GPR22: variants seen among roughly 807,000 people sequenced by gnomAD.
GPR22 encodes the protein G-protein coupled receptor 22.
GPR22 carries 13 observed loss-of-function variants against 31.0 expected under a neutral mutation model. The observed-to-expected ratio is 0.42, with a 90% CI of 0.27 to 0.67. GPR22 has a LOEUF of 0.67. GPR22 is among the 30% of genes least tolerant of loss of function. The probability of loss-of-function intolerance (pLI) is 0.25; values close to 1 mark genes in which losing one functional copy is unlikely to be tolerated. For missense variants in GPR22, 368 were observed against 509.6 expected, an observed-to-expected ratio of 0.72 and a Z score of 2.67; for synonymous variants, 191 against 173.4, an observed-to-expected ratio of 1.10 and a Z score of -0.80.
chr7:107,470,111 C>T lies in GPR22; in HGVS notation c.-1292C>T, dbSNP rs1796546091. On this transcript the variant is annotated 5_prime_UTR_variant, in exon 1 of 3. Transcript: ENST00000304402. ...TTTCCTCTGAAAAGCAGTGCCGTTC[C>T]TTTTTAGAAAGACTGAATCTAAATG... The T allele has an allele frequency of 6.6e-6, 1 of 152,116 alleles. No homozygotes were observed. The highest frequency in any genetic ancestry group is 2.4e-5 in the African/African-American group (1 of 41,434). The allele number at this position is 152,116 out of a possible 1,614,324, so 9.4% of individuals were successfully genotyped here. A position where few individuals can be genotyped will look rare whatever the true frequency, so the allele number is the denominator to read the frequency against.
In GPR22 at chr7:107,470,154, A is replaced by G. The variant is rs1040833804; in HGVS notation, c.-1249A>G. The G allele has an allele frequency of 6.6e-6, 1 of 152,234 alleles. No homozygotes were observed. The highest frequency in any genetic ancestry group is 6.6e-5 in the Admixed American group (1 of 15,266). The allele number at this position is 152,234 out of a possible 1,614,324, so 9.4% of individuals were successfully genotyped here. On this transcript the variant is annotated 5_prime_UTR_variant, in exon 1 of 3. Transcript: ENST00000304402. ...TCTAAATGTTGTCTCTGGAGACAAG[A>G]AGCCTTCAGTATGTTAAATTACTTT...
At chr7:107,472,466 T>C (rs1454514342) in intron 2 of GPR22, 164 bp downstream of exon 2, 3 of 152,002 alleles carry the variant, frequency 2.0e-5, no homozygotes, top group African/African-American at 4.8e-5. Context: ...AATCTTGCTC[T>C]AGAGAAAATG....
chr7:107,474,792 A>G lies in GPR22; in HGVS notation c.732A>G (p.Thr244=), dbSNP rs767037320. ...AGGCTCTTAATATTCGAATAGGCAC[A>G]AGATTTTCAACAGGGCAGAAGAAGA... The part of the protein sequence containing the change: ...ILQALNIRIG[T]RFSTGQKKKA... Residue 244 remains threonine, a synonymous_variant, in exon 3 of 3, where the codon ACA becomes ACG. Coordinates refer to ENST00000304402, the MANE Select transcript of GPR22 (RefSeq NM_005295.3). The surrounding 1 kb of genome is among the most constrained non-coding windows in gnomAD (Gnocchi z 5.7). 6.2e-7 allele frequency: 1 copy of G among 1,612,328 alleles called. No homozygotes were observed. The highest frequency in any genetic ancestry group is 1.1e-5 in the South Asian group (1 of 90,856).
Position 107,475,305 on chromosome 7 carries a change from C to T in GPR22, c.1245C>T (p.Thr415=), listed in dbSNP as rs1389205875. The T allele has an allele frequency of 6.3e-7, 1 of 1,581,258 alleles. No individual in the cohort carries two copies. The highest frequency in any genetic ancestry group is 1.4e-5 in the African/African-American group (1 of 72,896). The change falls in exon 3 of 3, where the codon ACC becomes ACT. Residue 415 remains threonine, a synonymous_variant. Transcript: ENST00000304402. ...WIDPKRNKKI[T]FEDSEIREKC... ...ATCCTAAAAGAAACAAAAAAATTAC[C>T]TTTGAAGATAGTGAAATAAGAGAAA... is the stretch of plus-strand genomic sequence containing the variant.
chr7:107,475,498 TTAGA>T lies in GPR22; in HGVS notation c.*140_*143del, dbSNP rs1796919034. The T allele has an allele frequency of 1.8e-5, 10 of 561,266 alleles. No homozygotes were observed. Among genetic ancestry groups the T allele is most frequent in the Middle Eastern group, 4.7e-4 (1 of 2,150 alleles). The allele number at this position is 561,266 out of a possible 1,614,324, so 34.8% of individuals were successfully genotyped here. A position where few individuals can be genotyped will look rare whatever the true frequency, so the allele number is the denominator to read the frequency against. On this transcript the variant is annotated 3_prime_UTR_variant, in exon 3 of 3. Transcript: ENST00000304402. Reference sequence around the variant, plus strand: ...TGTAAATTTTCAATGTGAATGTCAATTAGATAGGTCATATATATTCAATTTCTTC... The same window carrying T: ...TGTAAATTTTCAATGTGAATGTCAATTAGGTCATATATATTCAATTTCTTC...
downstream of GPR22, among the ~76,000 whole-genome samples, chr7:107,476,095 A>C: frequency 6.7e-6 from 1 of 150,300 alleles, no homozygotes; most frequent in East Asian, 2.0e-4. Flanking sequence ...AAAGGGAAGG[A>C]AGAATACTAA....
Position 107,474,656 on chromosome 7 carries a change from G to A in GPR22, c.596G>A (p.Ser199Asn), listed in dbSNP as rs1216163544. 1 of 1,609,486 alleles carries A rather than the reference G, an allele frequency of 6.2e-7. No homozygotes were observed. The highest frequency in any genetic ancestry group is 2.2e-5 in the East Asian group (1 of 44,786). ...GAAAACAAGACACTTTTATGTGTCA[G>A]TACAAATGAATACTACACTGAACTG... ...TWENKTLLCV[S>N]TNEYYTELGM... Residue 199 changes from serine to asparagine, a missense_variant, in exon 3 of 3, where the codon AGT (serine) becomes AAT (asparagine). Physicochemically the swap from Ser to Asn is conservative, Grantham distance 46 (BLOSUM62 1). Transcript: ENST00000304402. The surrounding 1 kb of genome is among the most constrained non-coding windows in gnomAD (Gnocchi z 5.7).
At position 107,474,306 on chromosome 7, in the gene GPR22, G is replaced by A; in HGVS notation, c.246G>A (p.Met82Ile). The change falls in exon 3 of 3, where the codon ATG becomes ATA. Residue 82 changes from methionine (M) to isoleucine (I), a missense_variant. Transcript: ENST00000304402. The surrounding 1 kb of genome is among the most constrained non-coding windows in gnomAD (Gnocchi z 5.7). ...ACTCTGTCAGTAACATTATTACAAT[G>A]AATCTTCATGTACTTGATGTAATAA... The part of the protein sequence containing the change: ...LINSVSNIIT[M>I]NLHVLDVIIC... 6.2e-7 allele frequency: 1 copy of A among 1,607,326 alleles called. No individual in the cohort carries two copies. The highest frequency in any genetic ancestry group is 8.5e-7 in the Non-Finnish European group (1 of 1,174,050).
chr7:107,472,463 C>T (rs553301004), intron 2 of GPR22, 161 bp downstream of exon 2: 3 of 152,106 alleles, frequency 2.0e-5, no homozygotes, highest in Admixed American at 2.0e-4. Flanking sequence ...CAGAATCTTG[C>T]TCTAGAGAAA....
rs759882355 is a variant in GPR22 at position 107,474,809 on chromosome 7, A to G, written c.749A>G (p.Gln250Arg). ...IRIGTRFSTG[Q>R]KKKARKKKTI... Reference sequence around the variant, plus strand: ...ATAGGCACAAGATTTTCAACAGGGCAGAAGAAGAAAGCAAGAAAGAAAAAG... The same window carrying G: ...ATAGGCACAAGATTTTCAACAGGGCGGAAGAAGAAAGCAAGAAAGAAAAAG... Residue 250 changes from glutamine (Q) to arginine (R), a missense_variant, in exon 3 of 3, where the codon CAG becomes CGG. Coordinates refer to ENST00000304402, the MANE Select transcript of GPR22 (RefSeq NM_005295.3). The surrounding 1 kb of genome is among the most constrained non-coding windows in gnomAD (Gnocchi z 5.7). 1 of 1,613,046 alleles carries G rather than the reference A, an allele frequency of 6.2e-7. No homozygotes were observed. The highest frequency in any genetic ancestry group is 8.5e-7 in the Non-Finnish European group (1 of 1,179,534).
At chr7:107,471,263 A>G (rs1796616441) in intron 1 of GPR22, 109 bp from the exon 2 acceptor site, 1 of 152,116 alleles carries the variant, frequency 6.6e-6, no homozygotes, top group South Asian at 2.1e-4. Flanking sequence ...CAGTTTGGTT[A>G]TTTTGATAAC....
At chr7:107,470,867 C>T (rs1796591649) in intron 1 of GPR22, among the ~76,000 whole-genome samples, 1 of 151,846 alleles carries the variant, frequency 6.6e-6, no homozygotes, top group Admixed American at 6.6e-5. Context: ...ATTTTTATTA[C>T]CTTTTGTATT....
At position 107,472,262 on chromosome 7, in the gene GPR22, A is replaced by G. The variant is rs1226611962; in HGVS notation, c.-67A>G. The G allele has an allele frequency of 6.6e-6, 1 of 152,022 alleles. No homozygotes were observed. Among genetic ancestry groups the G allele is most frequent in the Non-Finnish European group, 1.5e-5 (1 of 67,934 alleles). The allele number at this position is 152,022 out of a possible 1,614,324, so 9.4% of individuals were successfully genotyped here. A position where few individuals can be genotyped will look rare whatever the true frequency, so the allele number is the denominator to read the frequency against. On this transcript the variant is annotated 5_prime_UTR_variant, in exon 2 of 3. Transcript: ENST00000304402. Reference sequence around the variant, plus strand: ...TTGGAGAGAAAACGAAAGAATTCCTACAAGACATGAAATAAAACACAGCTA... The same window carrying G: ...TTGGAGAGAAAACGAAAGAATTCCTGCAAGACATGAAATAAAACACAGCTA...
downstream of GPR22, among the ~76,000 whole-genome samples, chr7:107,477,069 T>C (rs867037020): frequency 2.1e-4 from 32 of 151,702 alleles, no homozygotes; most frequent in Admixed American, 8.6e-4. Flanking sequence ...TGACAAAATG[T>C]AGCATAAGCA....
At chr7:107,472,990 A>T (rs1324511994) in intron 2 of GPR22, 1 of 151,912 alleles carries the variant, frequency 6.6e-6, no homozygotes, top group Non-Finnish European at 1.5e-5. Flanking sequence ...ATTAAAATAT[A>T]GATTTGCATG....
chr7:107,475,391 A>T lies in GPR22; in HGVS notation c.*29A>T, dbSNP rs369937943. 9.8e-7 allele frequency: 1 copy of T among 1,023,064 alleles called. No homozygotes were observed. The highest frequency in any genetic ancestry group is 2.5e-5 in the East Asian group (1 of 40,158). The allele number at this position is 1,023,064 out of a possible 1,614,324, so 63.4% of individuals were successfully genotyped here. The stretch of plus-strand genomic sequence containing the variant: ...AAAGTCTCAGTTTCACCAAATCCAC[A>T]TTCAAATGAGTTTTAAATTTAAATT... On this transcript the variant is annotated 3_prime_UTR_variant, in exon 3 of 3. Transcript: ENST00000304402.
chr7:107,473,082 T>A (rs1796736925), intron 2 of GPR22: 1 of 151,878 alleles, frequency 6.6e-6, no homozygotes, highest in Non-Finnish European at 1.5e-5. Context: ...GCTTCACAGG[T>A]AATGTGTAAC....
rs752419324 is a variant in GPR22 at position 107,475,270 on chromosome 7, T to G, written c.1210T>G (p.Ser404Ala). Residue 404 changes from serine (S) to alanine (A), a missense_variant, in exon 3 of 3, where the codon TCT becomes GCT. Physicochemically the swap from Ser to Ala is moderately conservative, Grantham distance 99. Transcript: ENST00000304402. The stretch of plus-strand genomic sequence containing the variant: ...GCCTAATAATGCTGTAATACACAAC[T>G]CTTGGATAGATCCTAAAAGAAACAA... Reference protein sequence around the residue: ...PLPNNAVIHNSWIDPKRNKKI... With the variant: ...PLPNNAVIHNAWIDPKRNKKI... The G allele has an allele frequency of 1.2e-6, 2 of 1,600,414 alleles. No individual in the cohort carries two copies. The highest frequency in any genetic ancestry group is 1.3e-5 in the African/African-American group (1 of 74,362).
In GPR22 at chr7:107,475,508, C is replaced by CAT; in HGVS notation, c.*153_*154dup. On this transcript the variant is annotated 3_prime_UTR_variant, in exon 3 of 3. Transcript: ENST00000304402. ...CAATGTGAATGTCAATTAGATAGGTCATATATATTCAATTTCTTCATTACT... is the reference window on the plus strand; with the variant it reads ...CAATGTGAATGTCAATTAGATAGGTCATATATATATTCAATTTCTTCATTACT... The CAT allele has an allele frequency of 1.9e-6, 1 of 513,310 alleles. No homozygotes were observed. The highest frequency in any genetic ancestry group is 3.5e-6 in the Non-Finnish European group (1 of 286,610). The allele number at this position is 513,310 out of a possible 1,614,324, so 31.8% of individuals were successfully genotyped here. A position where few individuals can be genotyped will look rare whatever the true frequency, so the allele number is the denominator to read the frequency against.
Sources: allele counts gnomAD v4.1 joint callset (sites outside exome capture counted in the v4.1 genomes callset), GRCh38; gene constraint gnomAD v4.1.1; non-coding constraint Gnocchi (gnomAD v3.1); transcripts MANE v1.5; gene names NCBI Gene and HGNC (gene_info 2026-07-23, HGNC 2026-07-21).